The following SVEP1 variants were observed in gnomAD, a reference collection of about 807,000 sequenced individuals.
The protein encoded by SVEP1 is sushi, von Willebrand factor type A, EGF and pentraxin domain-containing protein 1.
Under a neutral mutation model 367.3 loss-of-function variants are expected in SVEP1, and 164 were observed. The observed-to-expected ratio is 0.45, with a 90% CI of 0.39 to 0.51. The LOEUF (loss-of-function observed/expected upper bound fraction) is 0.51, where lower values mean the gene tolerates loss of function less well. Among genes scored for constraint, SVEP1 ranks in the 20% least tolerant of loss-of-function variants. The pLI is 0.00. For missense variants in SVEP1, 4,117 were observed against 4,425.3 expected (o/e 0.93, Z 1.98); for synonymous variants, 1,666 against 1,611.6 (o/e 1.03, Z -0.81).
rs1208379047 is a variant in SVEP1, at chr9:110,430,470, G to A, written c.5354-20C>T. 6 of 1,593,062 alleles carry A rather than the reference G, an allele frequency of 3.8e-6. No individual in the cohort carries two copies. Among genetic ancestry groups the A allele is most frequent in the South Asian group, 2.3e-5 (2 of 88,034 alleles). ...TAGGTTCTAGAAACAGACAGTTTTG[G>A]TGGAATAATAAGTGGCTTTCACACA... On this transcript the variant is annotated intron_variant, in intron 32 of 47. Coordinates refer to ENST00000374469, the MANE Select transcript of SVEP1 (RefSeq NM_153366.4).
rs61751937 is a variant in SVEP1 at position 110,549,951 on chromosome 9, G to T, written c.685C>A (p.Arg229=). The change falls in exon 2 of 48, where the codon CGA becomes AGA. Residue 229 remains arginine (R), a synonymous_variant. Coordinates refer to ENST00000374469, the MANE Select transcript of SVEP1 (RefSeq NM_153366.4). ...GTGGAAGCCATGTCATTCAGCTCTC[G>T]AATGTTCCCTTGCCATATGCCAAAA... is the stretch of plus-strand genomic sequence containing the variant. ...FTFGIWQGNI[R]ELNDMASTPK... 1 of 1,613,818 alleles carries T rather than the reference G, an allele frequency of 6.2e-7. No homozygotes were observed. The highest frequency in any genetic ancestry group is 1.3e-5 in the African/African-American group (1 of 74,908).
intron 14 of SVEP1, among the ~76,000 whole-genome samples, chr9:110,472,590 G>A (rs1265050609): frequency 6.6e-6 from 1 of 152,138 alleles, no homozygotes; most frequent in East Asian, 1.9e-4. Context: ...CTCTATCTTT[G>A]AGTTAATAGT....
Position 110,479,767 on chromosome 9 carries a change from T to G in SVEP1, c.2366-11A>C. 1 of 1,596,374 alleles carries G rather than the reference T, an allele frequency of 6.3e-7. No homozygotes were observed. Among genetic ancestry groups the G allele is most frequent in the South Asian group, 1.2e-5 (1 of 86,340 alleles). ...TTGCAAAACGTTTTTCTAGAAAATG[T>G]TGGACAAAACAGCTTCAGTTGGTTA... On this transcript the variant is annotated splice_polypyrimidine_tract_variant and intron_variant, in intron 12 of 47. Transcript: ENST00000374469.
At chr9:110,388,782 A>T (rs10980358) in intron 41 of SVEP1, among the ~76,000 whole-genome samples, 46,399 of 151,786 alleles carry the variant, frequency 0.31, 7,186 homozygotes, top group Middle Eastern at 0.33. Context: ...CAGCCAGGCC[A>T]ACATGGTGAA....
chr9:110,435,580 CGTT>C (rs1588052171), intron 28 of SVEP1, among the ~76,000 whole-genome samples: 2 of 152,234 alleles, frequency 1.3e-5, no homozygotes, highest in East Asian at 1.9e-4. Flanking sequence ...CCACTAGACT[CGTT>C]GTTGCCTGAA....
intron 30 of SVEP1, among the ~76,000 whole-genome samples, chr9:110,433,695 T>C (rs1304375341): frequency 6.6e-6 from 1 of 151,918 alleles, no homozygotes; most frequent in Non-Finnish European, 1.5e-5. Flanking sequence ...GGTCTTGAAC[T>C]CTTGGGCTCA....
intron 28 of SVEP1, among the ~76,000 whole-genome samples, 181 bp from the exon 29 acceptor site, chr9:110,435,545 T>C (rs1009584877): frequency 6.6e-6 from 1 of 152,174 alleles, no homozygotes; most frequent in East Asian, 1.9e-4. Flanking sequence ...CCCAGCTCTA[T>C]CATTCCCTCT....
At chr9:110,367,310 C>G (rs1182953557) in intron 47 of SVEP1, among the ~76,000 whole-genome samples, 1 of 152,170 alleles carries the variant, frequency 6.6e-6, no homozygotes, top group African/African-American at 2.4e-5. Flanking sequence ...CAGGTGTGTG[C>G]CACCATGCCT....
At chr9:110,513,704 A>G (rs1182782523) in intron 4 of SVEP1, among the ~76,000 whole-genome samples, 3 of 152,092 alleles carry the variant, frequency 2.0e-5, no homozygotes, top group Non-Finnish European at 2.9e-5. Flanking sequence ...CCAAGTACTA[A>G]GCCTTTCTGA....
At chr9:110,403,637 A>C (rs1827903925) in intron 39 of SVEP1, among the ~76,000 whole-genome samples, 2 of 152,006 alleles carry the variant, frequency 1.3e-5, no homozygotes, top group South Asian at 4.1e-4. Context: ...TGCCAAAATT[A>C]GGTAAAAAAA....
chr9:110,531,767 T>C lies in SVEP1; in HGVS notation c.964+14348A>G, dbSNP rs546578381. 2.6e-5 allele frequency among the ~76,000 whole-genome samples: 4 copies of C among 152,356 alleles called. No individual in the cohort carries two copies. The South Asian group carries it at 8.3e-4, about 32-fold the overall frequency. Reference sequence around the variant, plus strand: ...TAGTAAAAATCCACAGTACCCTGAATGCTATGTCTTGCACTGTTGCATGAA... The same window carrying C: ...TAGTAAAAATCCACAGTACCCTGAACGCTATGTCTTGCACTGTTGCATGAA... On this transcript the variant is annotated intron_variant, in intron 3 of 47. Transcript: ENST00000374469.
At chr9:110,406,021 C>A in intron 38 of SVEP1, 139 bp downstream of exon 38, 1 of 1,057,002 alleles carries the variant, frequency 9.5e-7, no homozygotes, top group Non-Finnish European at 1.3e-6. Context: ...TAGAATAAAG[C>A]CAAGTGTTAA....
At chr9:110,546,509 C>T (rs1830223363) in intron 2 of SVEP1, among the ~76,000 whole-genome samples, 2 of 152,156 alleles carry the variant, frequency 1.3e-5, no homozygotes, top group Non-Finnish European at 2.9e-5. Flanking sequence ...CAGTCTGGGA[C>T]CTCATCATAA....
At position 110,579,139 on chromosome 9, in the gene SVEP1, C is replaced by A; in HGVS notation, c.405G>T (p.Pro135=). The change falls in exon 1 of 48, where the codon CCG becomes CCT. Residue 135 remains proline (P), a synonymous_variant. Transcript: ENST00000374469. The surrounding 1 kb of genome is among the most constrained non-coding windows in gnomAD (Gnocchi z 5.3). ...GGCGGGTGGAGATGTAATCGACGCG[C>A]GGCACCACGTAGTTCTTGGACGAGA... ...VTFSSKNYVV[P]RVDYISTRRA... is the part of the protein sequence containing the mutation. 1 of 1,556,558 alleles carries A rather than the reference C, an allele frequency of 6.4e-7. No homozygotes were observed. Among genetic ancestry groups the A allele is most frequent in the Non-Finnish European group, 8.7e-7 (1 of 1,150,716 alleles).
intron 14 of SVEP1, among the ~76,000 whole-genome samples, chr9:110,472,761 G>A (rs1342956858): frequency 1.3e-5 from 2 of 152,094 alleles, no homozygotes; most frequent in African/African-American, 4.8e-5. Flanking sequence ...CTCCTCTCAT[G>A]AAGATTACTC....
chr9:110,458,483 T>A lies in SVEP1; in HGVS notation c.3564A>T (p.Glu1188Asp), dbSNP rs1183241337. 1.2e-6 allele frequency: 2 copies of A among 1,612,484 alleles called. No homozygotes were observed. Among genetic ancestry groups the A allele is most frequent in the East Asian group, 2.2e-5 (1 of 44,866 alleles). The change falls in exon 20 of 48, where the codon GAA becomes GAT. Residue 1188 changes from glutamate (E) to aspartate (D), a missense_variant. This residue lies in a region of SVEP1 where 2,174 missense variants were observed against 2,494.3 expected (regional missense o/e 0.87). Coordinates refer to ENST00000374469, the MANE Select transcript of SVEP1 (RefSeq NM_153366.4). The part of the protein sequence containing the change: ...ASLGHIKKRH[E>D]ISSQVFHECF... ...AAAATGAACTTGCCTGACTGCTGAT[T>A]TCATGCCTCTTTTTAATATGTCCAA...
chr9:110,501,267 C>T (rs897503412), intron 6 of SVEP1, among the ~76,000 whole-genome samples: 4 of 150,524 alleles, frequency 2.7e-5, no homozygotes, highest in African/African-American at 4.9e-5. Flanking sequence ...CTCTCGGTAA[C>T]ATTTTTCTGG....
intron 9 of SVEP1, among the ~76,000 whole-genome samples, chr9:110,486,906 A>G (rs1278319009): frequency 6.7e-6 from 1 of 148,888 alleles, no homozygotes; most frequent in East Asian, 2.0e-4. Flanking sequence ...CGGCCTCCCA[A>G]TGTGCTGGGA....
intron 18 of SVEP1, among the ~76,000 whole-genome samples, chr9:110,462,258 C>T (rs1363462041): frequency 6.6e-6 from 1 of 151,978 alleles, no homozygotes; most frequent in Non-Finnish European, 1.5e-5. Context: ...TAATAAAATA[C>T]TAACATTAAA....
Sources: allele counts gnomAD v4.1 joint callset (sites outside exome capture counted in the v4.1 genomes callset), GRCh38; gene constraint gnomAD v4.1.1; regional missense constraint gnomAD v4.1.1; non-coding constraint Gnocchi (gnomAD v3.1); transcripts MANE v1.5; gene names NCBI Gene and HGNC (gene_info 2026-07-23, HGNC 2026-07-21).